Variants in USP32 observed in about 807,000 individuals in gnomAD.
USP32 encodes ubiquitin specific peptidase 32.
Under a neutral mutation model 204.8 loss-of-function variants are expected in USP32, and 59 were observed. The ratio of observed to expected loss-of-function variants is 0.29; its 90% CI spans 0.23 to 0.36. The LOEUF is 0.36. USP32 is among the 10% of genes least tolerant of loss of function. The pLI, the probability that USP32 is intolerant of heterozygous loss-of-function variation, is 1.00. For synonymous variants in USP32, 517 were observed against 678.4 expected (o/e 0.76, Z 3.70); for missense variants, 1,160 against 1,946.4 (o/e 0.60, Z 7.60).
At chr17:60,382,539 A>G (rs2089662710) in intron 1 of USP32, among the ~76,000 whole-genome samples, 1 of 152,220 alleles carries the variant, frequency 6.6e-6, no homozygotes, top group Non-Finnish European at 1.5e-5. Flanking sequence ...TTAGCCATGG[A>G]ATATAAGAGA....
Position 60,225,963 on chromosome 17 carries a change from A to AG in USP32, c.1432+75_1432+76insC. ...GTGAAACTCAGTCTCAAAAAAAAAA[A>AG]AAAAAAAGAAAAGAAAAGAAAGACC... On this transcript the variant is annotated intron_variant, in intron 13 of 33. Coordinates refer to ENST00000300896, the MANE Select transcript of USP32 (RefSeq NM_032582.4). 3.4e-6 allele frequency: 5 copies of AG among 1,454,616 alleles called. No individual in the cohort carries two copies. In the Middle Eastern group the frequency reaches 7.5e-4, roughly 220 times the overall value. The allele number at this position is 1,454,616 out of a possible 1,614,324, so 90.1% of individuals were successfully genotyped here. A position where few individuals can be genotyped will look rare whatever the true frequency, so the allele number is the denominator to read the frequency against.
At position 60,180,431 on chromosome 17, in the gene USP32, T is replaced by A; in HGVS notation, c.4641+114A>T. ...ATACTGACAGCATCTATATATTGAT[T>A]CTAACAGAAATATCTATTTCCTATT... On this transcript the variant is annotated intron_variant, in intron 33 of 33. Coordinates refer to ENST00000300896, the MANE Select transcript of USP32 (RefSeq NM_032582.4). 1.0e-5 allele frequency: 12 copies of A among 1,189,744 alleles called. No individual in the cohort carries two copies. The South Asian group carries it at 1.7e-4, about 17-fold the overall frequency. 73.7% of individuals were successfully genotyped at this position (1,189,744 alleles called of 1,614,324 possible).
In USP32 at chr17:60,226,111, C is replaced by T. The variant is rs149513018; in HGVS notation, c.1360G>A (p.Val454Met). 6.0e-5 allele frequency: 96 copies of T among 1,607,984 alleles called. No individual in the cohort carries two copies. Among genetic ancestry groups the T allele is most frequent in the Middle Eastern group, 3.3e-4 (2 of 6,044 alleles). ...EDRIGSSLSY[V>M]NTTEEKFSDN... The stretch of plus-strand genomic sequence containing the variant: ...GAAAATTTCTCTTCTGTAGTATTCA[C>T]GTAACTGAGGCTGCTTCCAATTCTA... Residue 454 changes from valine (V) to methionine (M), a missense_variant, in exon 13 of 34, where the codon GTG becomes ATG. Val to Met is a conservative substitution (Grantham distance 21, BLOSUM62 1). Around this residue, in one of 8 missense-constraint regions of USP32, gnomAD observed 536 missense variants for 680.9 expected, o/e 0.79. Transcript: ENST00000300896.
In USP32 at chr17:60,391,991, C is replaced by A. The variant is rs778262917; in HGVS notation, c.-52G>T. On this transcript the variant is annotated 5_prime_UTR_variant, in exon 1 of 34. Coordinates refer to ENST00000300896, the MANE Select transcript of USP32 (RefSeq NM_032582.4). ...TCGGAGCCTGATCTCGCCCCCACCCCCCTCCCGCCTTCTCCTCGGCGTCCC... is the reference window on the plus strand; with the variant it reads ...TCGGAGCCTGATCTCGCCCCCACCCACCTCCCGCCTTCTCCTCGGCGTCCC... 1.3e-6 allele frequency: 2 copies of A among 1,570,854 alleles called. No homozygotes were observed. The highest frequency in any genetic ancestry group is 1.7e-6 in the Non-Finnish European group (2 of 1,156,742).
At chr17:60,338,394 T>C (rs1177480020) in intron 2 of USP32, among the ~76,000 whole-genome samples, 1 of 151,794 alleles carries the variant, frequency 6.6e-6, no homozygotes, top group Non-Finnish European at 1.5e-5. Flanking sequence ...GTAGATGTTC[T>C]GAGGAGGTGG....
At chr17:60,409,656 G>A (rs2090004192) in intron 1 of USP32, among the ~76,000 whole-genome samples, 1 of 152,200 alleles carries the variant, frequency 6.6e-6, no homozygotes, top group Non-Finnish European at 1.5e-5. Context: ...ACTCCATTTT[G>A]CTTCTAACCT....
At chr17:60,180,762 G>A (rs770272642) in intron 32 of USP32, 125 bp from the exon 33 acceptor site, 1 of 1,005,244 alleles carries the variant, frequency 9.9e-7, no homozygotes. Flanking sequence ...AAATATTTTA[G>A]AACCCTCTAA....
At chr17:60,316,239 C>T (rs529572100) in intron 2 of USP32, 1 of 160,586 alleles carries the variant, frequency 6.2e-6, no homozygotes, top group East Asian at 1.8e-4. Context: ...TGATGAGTAA[C>T]ATTTCATTCT....
At chr17:60,338,811 T>C (rs974673703) in intron 2 of USP32, among the ~76,000 whole-genome samples, 19 of 152,232 alleles carry the variant, frequency 1.2e-4, no homozygotes, top group Non-Finnish European at 1.8e-4. Context: ...ATTTACCTTG[T>C]TTTCTCAATC....
At chr17:60,351,697 G>T (rs951084652) in intron 1 of USP32, among the ~76,000 whole-genome samples, 1 of 152,148 alleles carries the variant, frequency 6.6e-6, no homozygotes, top group Admixed American at 6.5e-5. Context: ...CAAAGTGCTG[G>T]GATTACAGGC....
At position 60,400,799 on chromosome 17, in the gene USP32, T is replaced by A. The variant is rs566197048; in HGVS notation, c.106+21447A>T. On this transcript the variant is annotated intron_variant, in intron 1 of 3. Transcript: ENST00000588898. Reference sequence around the variant, plus strand: ...TATTTGGGATGCTGAGTCGGGGGGATCACTTGTGGCCAGGGGTTTGAGACC... The same window carrying A: ...TATTTGGGATGCTGAGTCGGGGGGAACACTTGTGGCCAGGGGTTTGAGACC... Among the ~76,000 whole-genome samples, 3 of 152,082 alleles carry A rather than the reference T, an allele frequency of 2.0e-5. No individual in the cohort carries two copies. The South Asian group carries it at 6.2e-4, about 32-fold the overall frequency.
chr17:60,364,931 TAAC>T (rs1484200833), intron 1 of USP32, among the ~76,000 whole-genome samples: 1 of 152,158 alleles, frequency 6.6e-6, no homozygotes, highest in East Asian at 1.9e-4. Context: ...AAGCCACAAA[TAAC>T]AACATGGATT....
intron 9 of USP32, among the ~76,000 whole-genome samples, chr17:60,261,988 C>T (rs1355427190): frequency 6.6e-6 from 1 of 152,124 alleles, no homozygotes; most frequent in Non-Finnish European, 1.5e-5. Context: ...ATACTGACAC[C>T]TGAGTAATAA....
chr17:60,197,111 T>C (rs565957862), intron 27 of USP32, among the ~76,000 whole-genome samples: 5 of 151,524 alleles, frequency 3.3e-5, no homozygotes, highest in Admixed American at 2.6e-4. Context: ...AACCTGGAGG[T>C]GGAGTTTGCA....
At chr17:60,392,260 G>A, upstream of USP32, 1 of 423,758 alleles carries the variant, frequency 2.4e-6, no homozygotes, top group South Asian at 2.7e-5. Context: ...CTCCGCCGAG[G>A]GTCACGGGAC....
chr17:60,273,692 C>T (rs2086773988), intron 5 of USP32, among the ~76,000 whole-genome samples: 2 of 152,126 alleles, frequency 1.3e-5, no homozygotes, highest in Admixed American at 1.3e-4. Flanking sequence ...GATGTGATGG[C>T]TCATGCCTGT....
chr17:60,235,102 A>G (rs1276365810), intron 12 of USP32, among the ~76,000 whole-genome samples: 2 of 152,168 alleles, frequency 1.3e-5, no homozygotes, highest in Non-Finnish European at 2.9e-5. Flanking sequence ...TAAGAGTAAG[A>G]TCTCTATTGT....
intron 1 of USP32, among the ~76,000 whole-genome samples, chr17:60,405,904 A>T (rs76715199): frequency 1.3e-5 from 2 of 152,172 alleles, no homozygotes; most frequent in African/African-American, 4.8e-5. Flanking sequence ...CCTGTAATCC[A>T]GCACTTTGGG....
intron 2 of USP32, among the ~76,000 whole-genome samples, chr17:60,339,644 C>G (rs191903412): frequency 6.6e-6 from 1 of 150,838 alleles, no homozygotes; most frequent in Non-Finnish European, 1.5e-5. Context: ...CTAAAATATT[C>G]TCTGCATTGG....
Sources: allele counts gnomAD v4.1 joint callset (sites outside exome capture counted in the v4.1 genomes callset), GRCh38; gene constraint gnomAD v4.1.1; regional missense constraint gnomAD v4.1.1; transcripts MANE v1.5; gene names NCBI Gene and HGNC (gene_info 2026-07-23, HGNC 2026-07-21).